The following UNC45B variants were observed in gnomAD, a reference collection of about 807,000 sequenced individuals.
The protein encoded by UNC45B is unc-45 myosin chaperone B, also known as protein unc-45 homolog B.
UNC45B carries 78 observed loss-of-function variants against 98.7 expected under a neutral mutation model. The observed-to-expected ratio is 0.79, with a 90% CI of 0.66 to 0.95. The LOEUF (loss-of-function observed/expected upper bound fraction) is 0.95, where lower values mean the gene tolerates loss of function less well. UNC45B is among the 40% of genes least tolerant of loss of function. UNC45B has a pLI of 0.00. For synonymous variants in UNC45B, 462 were observed against 480.4 expected, an observed-to-expected ratio of 0.96 and a Z score of 0.50; for missense variants, 1,225 against 1,184.9, an observed-to-expected ratio of 1.03 and a Z score of -0.50.
At chr17:35,148,591 C>T (rs1029751187) in intron 2 of UNC45B, among the ~76,000 whole-genome samples, 160 bp downstream of exon 2, 5 of 152,094 alleles carry the variant, frequency 3.3e-5, no homozygotes, top group Non-Finnish European at 5.9e-5. Context: ...ACCCATGCCC[C>T]GGAAAGACAG....
chr17:35,185,595 C>A (rs762764673), intron 19 of UNC45B, among the ~76,000 whole-genome samples: 1 of 152,048 alleles, frequency 6.6e-6, no homozygotes, highest in African/African-American at 2.4e-5. Context: ...CATGAGCCAC[C>A]GCACCTGGCC....
At chr17:35,175,654 C>T (rs181539321) in intron 14 of UNC45B, among the ~76,000 whole-genome samples, 1 of 152,228 alleles carries the variant, frequency 6.6e-6, no homozygotes, top group Admixed American at 6.5e-5. Context: ...AAGCCAGAGC[C>T]AGATCACGGA....
Position 35,187,078 on chromosome 17 carries a change from C to T in UNC45B, c.*519C>T, listed in dbSNP as rs368859206. 1.8e-4 allele frequency: 28 copies of T among 155,172 alleles called. No individual in the cohort carries two copies. The South Asian group carries it at 5.4e-3, about 30-fold the overall frequency. The allele number at this position is 155,172 out of a possible 1,614,324, so 9.6% of individuals were successfully genotyped here. On this transcript the variant is annotated 3_prime_UTR_variant, in exon 20 of 20. Coordinates refer to ENST00000394570, the MANE Select transcript of UNC45B (RefSeq NM_001267052.2). ...TCTGTCCCAGTCCCATGCCCATTCC[C>T]ATCACTTCACTGTGATGGAAATAGA...
At chr17:35,159,595 C>T (rs1314214713) in intron 8 of UNC45B, 50 bp downstream of exon 8, 1 of 1,581,052 alleles carries the variant, frequency 6.3e-7, no homozygotes. Context: ...TAAGTGGGCA[C>T]CAGGGCACTG....
chr17:35,183,759 A>T (rs2092287920), intron 19 of UNC45B, among the ~76,000 whole-genome samples, 177 bp downstream of exon 19: 1 of 152,156 alleles, frequency 6.6e-6, no homozygotes, highest in Non-Finnish European at 1.5e-5. Flanking sequence ...AGTGCCTTAC[A>T]TTCATTATTT....
intron 2 of UNC45B, 75 bp downstream of exon 2, chr17:35,148,506 T>G (rs2091992674): frequency 1.3e-6 from 2 of 1,502,916 alleles, no homozygotes; most frequent in African/African-American, 2.8e-5. Context: ...CCCTTCACCC[T>G]GATAGAAATT....
chr17:35,186,172 A>G, intron 19 of UNC45B, 127 bp from the exon 20 acceptor site: 1 of 1,236,758 alleles, frequency 8.1e-7, no homozygotes, highest in Non-Finnish European at 1.1e-6. Context: ...ATTCCTCTTA[A>G]TGACCTAATT....
chr17:35,160,503 A>T (rs141859852), intron 8 of UNC45B, among the ~76,000 whole-genome samples: 1 of 152,080 alleles, frequency 6.6e-6, no homozygotes, highest in African/African-American at 2.4e-5. Context: ...CAGTGGCGTG[A>T]TCATAGTCAC....
In UNC45B at chr17:35,186,224, A is replaced by G. The variant is rs533868630; in HGVS notation, c.2530-75A>G. On this transcript the variant is annotated intron_variant, in intron 19 of 19. Transcript: ENST00000394570. ...ACCTCCTAACATTGCCACACCAGGGACCACATTTCCAACACATGAACTCTG... is the reference window on the plus strand; with the variant it reads ...ACCTCCTAACATTGCCACACCAGGGGCCACATTTCCAACACATGAACTCTG... 93 of 1,569,446 alleles carry G rather than the reference A, an allele frequency of 5.9e-5. No individual in the cohort carries two copies. In the South Asian group the frequency reaches 1.1e-3, roughly 18 times the overall value.
At chr17:35,167,055 G>A (rs2092146099) in intron 9 of UNC45B, 2 of 152,322 alleles carry the variant, frequency 1.3e-5, no homozygotes. Context: ...GAACGTTCCT[G>A]GATATCTAGC....
Position 35,175,083 on chromosome 17 carries a change from GAA to G in UNC45B, c.1958+716_1958+717del, listed in dbSNP as rs869041730. Among the ~76,000 whole-genome samples, 651 of 81,174 alleles carry G rather than the reference GAA, an allele frequency of 8.0e-3. 3 individuals carry two copies. The highest frequency in any genetic ancestry group is 0.043 in the Middle Eastern group (6 of 140). 53.3% of individuals were successfully genotyped at this position (81,174 alleles called of 152,430 possible). A position where few individuals can be genotyped will look rare whatever the true frequency, so the allele number is the denominator to read the frequency against. On this transcript the variant is annotated intron_variant, in intron 14 of 19. Transcript: ENST00000394570. ...AAGAAGAAAGAAAGAAAGAAAGAAAGAAAGAGAAAGAAAGAAAAAAGAAAAGA... is the reference window on the plus strand; with the variant it reads ...AAGAAGAAAGAAAGAAAGAAAGAAAGAGAGAAAGAAAGAAAAAAGAAAAGA...
chr17:35,173,741 C>T (rs1481965626), intron 13 of UNC45B, among the ~76,000 whole-genome samples: 1 of 151,860 alleles, frequency 6.6e-6, no homozygotes, highest in Non-Finnish European at 1.5e-5. Context: ...AAATCCTTAA[C>T]TTAATCGTGT....
chr17:35,183,410 G>A lies in UNC45B; in HGVS notation c.2374-17G>A, dbSNP rs1050584739. The A allele has an allele frequency of 6.5e-7, 1 of 1,530,058 alleles. No individual in the cohort carries two copies. The highest frequency in any genetic ancestry group is 1.3e-5 in the South Asian group (1 of 78,112). The allele number at this position is 1,530,058 out of a possible 1,614,324, so 94.8% of individuals were successfully genotyped here. ...TTGGGGACAGTTTTCTCTGAGCCAT[G>A]TTCCTGCCTCCCACAGGTACAGGAA... On this transcript the variant is annotated splice_polypyrimidine_tract_variant and intron_variant, in intron 18 of 19. Transcript: ENST00000394570.
intron 7 of UNC45B, among the ~76,000 whole-genome samples, chr17:35,156,718 T>C (rs2142540265): frequency 6.6e-6 from 1 of 152,266 alleles, no homozygotes; most frequent in Admixed American, 6.5e-5. Flanking sequence ...TGGGAAAATA[T>C]AGAACTACGT....
chr17:35,159,290 G>A (rs2092085129), intron 7 of UNC45B, 85 bp from the exon 8 acceptor site: 1 of 1,278,416 alleles, frequency 7.8e-7, no homozygotes, highest in Admixed American at 2.1e-5. Context: ...AGTACTTCCA[G>A]AGTCTAGAAG....
In UNC45B at chr17:35,164,085, T is replaced by C. The variant is rs775920008; in HGVS notation, c.1070T>C (p.Ile357Thr). The change falls in exon 9 of 20, where the codon ATC becomes ACC. Residue 357 changes from isoleucine to threonine, a missense_variant. Coordinates refer to ENST00000394570, the MANE Select transcript of UNC45B (RefSeq NM_001267052.2). Reference sequence around the variant, plus strand: ...GACAACACCCGCATGCTGGCCTCTATCCTCATCAACAAGCTCTATGATGAC... The same window carrying C: ...GACAACACCCGCATGCTGGCCTCTACCCTCATCAACAAGCTCTATGATGAC... ...LTDNTRMLAS[I>T]LINKLYDDLR... is the part of the protein sequence containing the mutation. 4 of 1,614,132 alleles carry C rather than the reference T, an allele frequency of 2.5e-6. No individual in the cohort carries two copies. The highest frequency in any genetic ancestry group is 1.6e-4 in the Middle Eastern group (1 of 6,062).
chr17:35,173,482 G>A (rs985861428), intron 13 of UNC45B, among the ~76,000 whole-genome samples: 2 of 151,976 alleles, frequency 1.3e-5, no homozygotes. Context: ...AGTCTCACTC[G>A]GCTAAAGTCA....
chr17:35,155,174 C>T lies in UNC45B; in HGVS notation c.640-122C>T, dbSNP rs1306737045. On this transcript the variant is annotated intron_variant, in intron 6 of 19. Coordinates refer to ENST00000394570, the MANE Select transcript of UNC45B (RefSeq NM_001267052.2). The stretch of plus-strand genomic sequence containing the variant: ...AGAGGGGCCCATGAGGCAATGGCTG[C>T]CTGGGCTGATTTCTCTACTGCATGG... The T allele has an allele frequency of 4.8e-6, 6 of 1,243,082 alleles. No individual in the cohort carries two copies. The Admixed American group carries it at 1.5e-4, about 32-fold the overall frequency. The allele number at this position is 1,243,082 out of a possible 1,614,324, so 77.0% of individuals were successfully genotyped here. A position where few individuals can be genotyped will look rare whatever the true frequency, so the allele number is the denominator to read the frequency against.
At chr17:35,182,111 A>T (rs2092277814) in intron 18 of UNC45B, among the ~76,000 whole-genome samples, 1 of 145,764 alleles carries the variant, frequency 6.9e-6, no homozygotes, top group South Asian at 2.2e-4. Context: ...TTTTTCTGAG[A>T]TGGAGTCTGG....
Sources: gnomAD v4.1 joint callset for allele counts (sites outside exome capture counted in the v4.1 genomes callset) on GRCh38, gnomAD v4.1.1 for gene constraint, MANE v1.5 for transcripts, NCBI Gene and HGNC (gene_info 2026-07-23, HGNC 2026-07-21) for gene names.